ICA1L: variants seen among roughly 807,000 people sequenced by gnomAD.
ICA1L encodes islet cell autoantigen 1 like.
In ICA1L, 50 loss-of-function variants were observed where a neutral mutation model predicts 61.3. The ratio of observed to expected loss-of-function variants is 0.82; its 90% CI spans 0.65 to 1.03. ICA1L has a LOEUF of 1.03. Among genes scored for constraint, ICA1L ranks in the 50% least tolerant of loss-of-function variants. The pLI is 0.00. For synonymous variants in ICA1L, 161 were observed against 191.3 expected (o/e 0.84, Z 1.31); for missense variants, 508 against 556.7 (o/e 0.91, Z 0.88).
intron 1 of ICA1L, among the ~76,000 whole-genome samples, chr2:202,830,290 C>A (rs1230046674): frequency 6.6e-6 from 1 of 152,154 alleles, no homozygotes; most frequent in Non-Finnish European, 1.5e-5. Flanking sequence ...TACCTGTAAT[C>A]CCAGCTACTC....
chr2:202,860,996 G>A (rs908580918), intron 1 of ICA1L, among the ~76,000 whole-genome samples: 7 of 152,098 alleles, frequency 4.6e-5, no homozygotes, highest in African/African-American at 1.4e-4. Flanking sequence ...TTGGGAGGCC[G>A]AGGTAGGTGG....
chr2:202,823,963 T>G (rs191218234), intron 3 of ICA1L, among the ~76,000 whole-genome samples: 2 of 152,334 alleles, frequency 1.3e-5, no homozygotes, highest in East Asian at 3.9e-4. Flanking sequence ...AATGGGACAA[T>G]GTATAAGCTT....
chr2:202,829,384 C>A (rs6742034), intron 1 of ICA1L: 60,697 of 155,648 alleles, frequency 0.39, 13,442 homozygotes, highest in Middle Eastern at 0.65. Flanking sequence ...AACAAAAAAA[C>A]CAAAAAAAAC....
At chr2:202,795,887 C>CA (rs1692909930) in intron 10 of ICA1L, among the ~76,000 whole-genome samples, 1 of 150,578 alleles carries the variant, frequency 6.6e-6, no homozygotes, top group African/African-American at 2.4e-5. Flanking sequence ...ACTAAAAATA[C>CA]AAAAAATTAG....
At chr2:202,824,129 G>C (rs1334832505) in intron 3 of ICA1L, among the ~76,000 whole-genome samples, 2 of 152,180 alleles carry the variant, frequency 1.3e-5, no homozygotes, top group African/African-American at 4.8e-5. Flanking sequence ...CTGGCGAGGT[G>C]CAGTGGCTCA....
At chr2:202,832,431 G>A (rs537573293) in intron 1 of ICA1L, among the ~76,000 whole-genome samples, 1,021 of 61,072 alleles carry the variant, frequency 0.017, 9 homozygotes, top group Middle Eastern at 0.028. Context: ...GTGAGACTCC[G>A]TCACAAAAAA....
At chr2:202,870,968 A>T (rs762605482) in intron 1 of ICA1L, 5 of 152,204 alleles carry the variant, frequency 3.3e-5, no homozygotes, top group Non-Finnish European at 7.3e-5. Flanking sequence ...TCCAGGAGCC[A>T]TATCTGTGCC....
At chr2:202,814,648 A>G in intron 8 of ICA1L, 54 bp downstream of exon 8, 1 of 1,122,240 alleles carries the variant, frequency 8.9e-7, no homozygotes, top group East Asian at 2.3e-5. Context: ...CATATATCAT[A>G]TGATGGTATC....
intron 1 of ICA1L, among the ~76,000 whole-genome samples, chr2:202,863,128 C>T (rs1277735956): frequency 1.3e-5 from 2 of 151,856 alleles, no homozygotes; most frequent in Non-Finnish European, 2.9e-5. Context: ...CCCACCTCTA[C>T]TAAAAATACA....
chr2:202,801,019 G>GAA (rs35647239), intron 9 of ICA1L, among the ~76,000 whole-genome samples: 7 of 151,764 alleles, frequency 4.6e-5, no homozygotes, highest in East Asian at 3.9e-4. Context: ...TTGAATATAG[G>GAA]AAAAAAAATA....
rs1281154188 is a variant in ICA1L at position 202,811,670 on chromosome 2, A to G, written c.910+76T>C. The G allele has an allele frequency of 3.7e-5, 38 of 1,021,946 alleles. No homozygotes were observed. The Admixed American group carries it at 3.7e-4, about 10-fold the overall frequency. 63.3% of individuals were successfully genotyped at this position (1,021,946 alleles called of 1,614,324 possible). ...GAGCAAGACTGTCTCAAAAAAAAAA[A>G]AAAAAAAAAGGCTGTGATAAACTAT... On this transcript the variant is annotated intron_variant, in intron 9 of 12. Transcript: ENST00000358299.
At chr2:202,783,202 T>G (rs538754621) in intron 12 of ICA1L, among the ~76,000 whole-genome samples, 5 of 152,228 alleles carry the variant, frequency 3.3e-5, no homozygotes, top group Non-Finnish European at 7.3e-5. Context: ...AAATATTTCA[T>G]GGAAGAATTA....
intron 6 of ICA1L, among the ~76,000 whole-genome samples, chr2:202,816,655 T>C (rs974347389): frequency 6.6e-6 from 1 of 152,216 alleles, no homozygotes; most frequent in Non-Finnish European, 1.5e-5. Flanking sequence ...AAGTGCATCC[T>C]TTCTCCATTT....
intron 10 of ICA1L, among the ~76,000 whole-genome samples, chr2:202,795,168 T>C (rs941569738): frequency 6.6e-6 from 1 of 151,500 alleles, no homozygotes; most frequent in African/African-American, 2.4e-5. Flanking sequence ...ATTTTGTATA[T>C]TTAGTAGAGA....
chr2:202,844,785 C>A (rs1029425429), intron 1 of ICA1L, among the ~76,000 whole-genome samples: 2 of 152,190 alleles, frequency 1.3e-5, no homozygotes, highest in African/African-American at 4.8e-5. Flanking sequence ...TAATTTCCTA[C>A]TGCTGCTATA....
intron 9 of ICA1L, among the ~76,000 whole-genome samples, chr2:202,797,236 A>G (rs917957089): frequency 1.3e-4 from 19 of 151,728 alleles, no homozygotes; most frequent in African/African-American, 4.4e-4. Flanking sequence ...CTTGAAATGT[A>G]AAAGTTTTCA....
chr2:202,861,147 A>C (rs960029571), intron 1 of ICA1L, among the ~76,000 whole-genome samples: 18 of 152,180 alleles, frequency 1.2e-4, no homozygotes, highest in African/African-American at 4.1e-4. Context: ...GAATTGCTAG[A>C]ACCCAGGAGG....
At chr2:202,815,006 T>C (rs1693493027) in intron 7 of ICA1L, among the ~76,000 whole-genome samples, 1 of 152,252 alleles carries the variant, frequency 6.6e-6, no homozygotes, top group Non-Finnish European at 1.5e-5. Flanking sequence ...CATATTGTGA[T>C]GTGGGGTAGC....
chr2:202,786,675 C>A (rs1288871107), intron 11 of ICA1L: 1 of 452,324 alleles, frequency 2.2e-6, no homozygotes, highest in African/African-American at 2.0e-5. Context: ...TATGCTCATA[C>A]CCTTGGACTC....
Sources: allele counts gnomAD v4.1 joint callset (sites outside exome capture counted in the v4.1 genomes callset), GRCh38; gene constraint gnomAD v4.1.1; transcripts MANE v1.5; gene names NCBI Gene and HGNC (gene_info 2026-07-23, HGNC 2026-07-21).